Variants in SLA observed in about 807,000 individuals in gnomAD.
SLA encodes the protein Src like adaptor.
Under a neutral mutation model 30.3 loss-of-function variants are expected in SLA, and 16 were observed. The ratio of observed to expected loss-of-function variants is 0.53; its 90% CI spans 0.36 to 0.80. SLA has a LOEUF of 0.80. SLA is among the 30% of genes least tolerant of loss of function. The pLI is 0.01. For synonymous variants in SLA, 143 were observed against 137.8 expected (o/e 1.04, Z -0.26); for missense variants, 310 against 345.2 (o/e 0.90, Z 0.81).
In SLA at chr8:133,036,934, C is replaced by G. The variant is rs1837217851; in HGVS notation, c.*1590G>C. 1 of 152,380 alleles carries G rather than the reference C, an allele frequency of 6.6e-6. No homozygotes were observed. Among genetic ancestry groups the G allele is most frequent in the African/African-American group, 2.4e-5 (1 of 41,434 alleles). 9.4% of individuals were successfully genotyped at this position (152,380 alleles called of 1,614,324 possible). ...CCTGCCTTATGCGGGAAGTCAATGT[C>G]CACAGTGTTACATTCATTTCTCATA... On this transcript the variant is annotated 3_prime_UTR_variant, in exon 9 of 9. Coordinates refer to ENST00000338087, the MANE Select transcript of SLA (RefSeq NM_001045556.3).
chr8:133,083,985 A>T (rs1002203371), intron 1 of SLA, among the ~76,000 whole-genome samples: 4 of 152,006 alleles, frequency 2.6e-5, no homozygotes, highest in Admixed American at 2.6e-4. Context: ...CTGAGAGGTG[A>T]CCCTGATCTC....
intron 7 of SLA, 113 bp downstream of exon 7, chr8:133,044,871 G>A: frequency 4.0e-6 from 4 of 996,052 alleles, no homozygotes; most frequent in Non-Finnish European, 6.3e-6. Context: ...ATATCATGAA[G>A]GCAGCATAGG....
chr8:133,051,920 C>T (rs1840478180), intron 3 of SLA, among the ~76,000 whole-genome samples: 2 of 152,238 alleles, frequency 1.3e-5, no homozygotes, highest in African/African-American at 4.8e-5. Flanking sequence ...CAACTACTTA[C>T]TGAGCACCTG....
At chr8:133,045,333 T>G (rs1448985717) in intron 6 of SLA, among the ~76,000 whole-genome samples, 1 of 152,056 alleles carries the variant, frequency 6.6e-6, no homozygotes, top group Non-Finnish European at 1.5e-5. Flanking sequence ...AAAGCAGATA[T>G]GTTCATCACA....
At chr8:133,094,057 G>A (rs927440479) in intron 1 of SLA, among the ~76,000 whole-genome samples, 4 of 152,122 alleles carry the variant, frequency 2.6e-5, no homozygotes, top group African/African-American at 7.2e-5. Flanking sequence ...GGCAGCCAGT[G>A]TCTGAGCTAC....
chr8:133,062,475 C>T (rs564934341), intron 2 of SLA, among the ~76,000 whole-genome samples: 3 of 152,378 alleles, frequency 2.0e-5, no homozygotes, highest in Non-Finnish European at 2.9e-5. Context: ...GGCATCTCCC[C>T]GGTGCCGGGC....
At chr8:133,049,863 C>G (rs1840081903) in intron 5 of SLA, 39 bp downstream of exon 5, 1 of 1,246,694 alleles carries the variant, frequency 8.0e-7, no homozygotes, top group Non-Finnish European at 1.2e-6. Flanking sequence ...CCAGCATACG[C>G]ATCATGCTTA....
In SLA at chr8:133,074,868, A is replaced by T. The variant is rs1196562044; in HGVS notation, c.-56T>A. ...CCCAAAATACCTTCACACACTGGGC[A>T]TGACTCCTGTGGGAGCTGTCTGCAG... On this transcript the variant is annotated 5_prime_UTR_variant, in exon 2 of 9. The change abolishes an upstream ATG in the 5' untranslated region. Transcript: ENST00000338087. 3.1e-5 allele frequency: 31 copies of T among 985,458 alleles called. No homozygotes were observed. The highest frequency in any genetic ancestry group is 3.6e-5 in the Non-Finnish European group (30 of 830,034). 61.0% of individuals were successfully genotyped at this position (985,458 alleles called of 1,614,324 possible).
chr8:133,099,157 G>C (rs1848871310), intron 1 of SLA, among the ~76,000 whole-genome samples: 1 of 152,246 alleles, frequency 6.6e-6, no homozygotes, highest in South Asian at 2.1e-4. Context: ...CCCCCAAATA[G>C]AGAAGCCTCT....
chr8:133,072,039 C>G (rs1398313239), intron 2 of SLA, among the ~76,000 whole-genome samples: 1 of 152,174 alleles, frequency 6.6e-6, no homozygotes, highest in East Asian at 1.9e-4. Context: ...TCTGAGGTAG[C>G]TATTTTGCCC....
At chr8:133,071,642 G>C (rs1403539724) in intron 2 of SLA, among the ~76,000 whole-genome samples, 1 of 152,074 alleles carries the variant, frequency 6.6e-6, no homozygotes, top group East Asian at 1.9e-4. Flanking sequence ...GCAGCGGGGA[G>C]AGGGGAGGAG....
intron 1 of SLA, among the ~76,000 whole-genome samples, chr8:133,094,167 G>T (rs1848037336): frequency 6.6e-6 from 1 of 151,852 alleles, no homozygotes; most frequent in African/African-American, 2.4e-5. Context: ...TCTACCAAAA[G>T]TCCGGGCAGA....
At chr8:133,080,008 G>A (rs1014139619) in intron 1 of SLA, among the ~76,000 whole-genome samples, 14 of 152,042 alleles carry the variant, frequency 9.2e-5, no homozygotes, top group South Asian at 2.1e-4. Flanking sequence ...CCTTCAATGT[G>A]TTAGGCATTT....
At chr8:133,083,210 G>A (rs1385458746) in intron 1 of SLA, among the ~76,000 whole-genome samples, 2 of 152,080 alleles carry the variant, frequency 1.3e-5, no homozygotes, top group Non-Finnish European at 2.9e-5. Flanking sequence ...TTTATTATTG[G>A]TAATACTTTA....
intron 5 of SLA, chr8:133,049,239 A>C (rs1405306897): frequency 9.2e-6 from 4 of 434,514 alleles, no homozygotes; most frequent in Non-Finnish European, 1.8e-5. Flanking sequence ...GTTTTCTAAG[A>C]TATCTCTTGT....
At chr8:133,051,508 C>T (rs1270648863) in intron 3 of SLA, among the ~76,000 whole-genome samples, 2 of 152,026 alleles carry the variant, frequency 1.3e-5, no homozygotes, top group Non-Finnish European at 2.9e-5. Context: ...TTATTTCTTG[C>T]AGAATATAAG....
intron 2 of SLA, among the ~76,000 whole-genome samples, chr8:133,063,002 T>C (rs1278659602): frequency 6.6e-6 from 1 of 152,210 alleles, no homozygotes; most frequent in Non-Finnish European, 1.5e-5. Context: ...CCAGCTGCCT[T>C]GGTTCCTCAG....
intron 2 of SLA, among the ~76,000 whole-genome samples, chr8:133,072,174 T>A (rs1844157743): frequency 6.6e-6 from 1 of 152,208 alleles, no homozygotes; most frequent in Non-Finnish European, 1.5e-5. Context: ...GCAGTCTGCC[T>A]GGTGCTAAGG....
intron 3 of SLA, among the ~76,000 whole-genome samples, chr8:133,057,169 T>C (rs1564129448): frequency 6.6e-6 from 1 of 151,440 alleles, no homozygotes; most frequent in Admixed American, 6.6e-5. Flanking sequence ...TCTGTGCTGC[T>C]GCCTCTGTTG....
Sources: allele counts gnomAD v4.1 joint callset (sites outside exome capture counted in the v4.1 genomes callset), GRCh38; gene constraint gnomAD v4.1.1; transcripts MANE v1.5; gene names NCBI Gene and HGNC (gene_info 2026-07-23, HGNC 2026-07-21).